FAM13A: variants seen among roughly 807,000 people sequenced by gnomAD.
FAM13A encodes the protein family with sequence similarity 13 member A, also known as protein FAM13A.
FAM13A carries 76 observed loss-of-function variants against 129.6 expected under a neutral mutation model. The ratio of observed to expected loss-of-function variants is 0.59; its 90% confidence interval spans 0.49 to 0.71. The LOEUF (loss-of-function observed/expected upper bound fraction) is 0.71, where lower values mean the gene tolerates loss of function less well. Among genes scored for constraint, FAM13A ranks in the 30% least tolerant of loss-of-function variants. FAM13A has a pLI of 0.00. For missense variants in FAM13A, 1,108 were observed against 1,249.3 expected, an observed-to-expected ratio of 0.89 and a Z score of 1.70; for synonymous variants, 443 against 449.9, an observed-to-expected ratio of 0.98 and a Z score of 0.20.
At chr4:88,890,308 C>A (rs1205894328) in intron 6 of FAM13A, among the ~76,000 whole-genome samples, 1 of 152,138 alleles carries the variant, frequency 6.6e-6, no homozygotes. Flanking sequence ...AGGTCCAGGG[C>A]AGGTCAGGTA....
chr4:88,843,295 A>G (rs1736134929), intron 7 of FAM13A, among the ~76,000 whole-genome samples: 1 of 152,206 alleles, frequency 6.6e-6, no homozygotes, highest in Non-Finnish European at 1.5e-5. Flanking sequence ...ACACTCCCTC[A>G]TTCATATGGG....
intron 13 of FAM13A, among the ~76,000 whole-genome samples, chr4:88,762,490 G>T (rs960909310): frequency 6.6e-6 from 1 of 152,086 alleles, no homozygotes; most frequent in African/African-American, 2.4e-5. Context: ...CCCTGGGGTT[G>T]CTTTCTTACT....
intron 4 of FAM13A, among the ~76,000 whole-genome samples, chr4:88,946,274 T>C (rs765288383): frequency 1.3e-5 from 2 of 151,806 alleles, no homozygotes; most frequent in Admixed American, 6.6e-5. Context: ...GTAGGGCAGA[T>C]GCATCAGGTT....
At chr4:88,774,759 T>A (rs1466397781) in intron 11 of FAM13A, among the ~76,000 whole-genome samples, 1 of 152,190 alleles carries the variant, frequency 6.6e-6, no homozygotes, top group African/African-American at 2.4e-5. Flanking sequence ...AATATTTTTT[T>A]AAAAAGCAGA....
At chr4:88,930,003 T>A (rs555486159) in intron 5 of FAM13A, among the ~76,000 whole-genome samples, 26 of 152,282 alleles carry the variant, frequency 1.7e-4, no homozygotes, top group Non-Finnish European at 3.2e-4. Flanking sequence ...CCTCCCAAAG[T>A]GCTGGGATTA....
At chr4:88,874,313 TAA>T (rs1203330594) in intron 6 of FAM13A, among the ~76,000 whole-genome samples, 1 of 151,962 alleles carries the variant, frequency 6.6e-6, no homozygotes, top group Non-Finnish European at 1.5e-5. Context: ...GAGAAAAAAA[TAA>T]AGAGTATTCA....
chr4:88,781,090 T>A, intron 11 of FAM13A, 75 bp downstream of exon 11: 2 of 1,083,444 alleles, frequency 1.8e-6, no homozygotes, highest in Non-Finnish European at 2.6e-6. Flanking sequence ...AAATTACTTT[T>A]AATTTTTTTA....
chr4:88,855,532 T>C (rs1057023293), intron 6 of FAM13A: 4 of 152,126 alleles, frequency 2.6e-5, no homozygotes, highest in African/African-American at 9.7e-5. Context: ...TATGAGCTAG[T>C]TTAGCAAATA....
chr4:88,955,561 T>C (rs1757621174), intron 4 of FAM13A, among the ~76,000 whole-genome samples: 1 of 152,018 alleles, frequency 6.6e-6, no homozygotes, highest in African/African-American at 2.4e-5. Context: ...CAGGCAGAGG[T>C]TGGAACACTT....
chr4:88,943,158 G>C (rs1198846642), intron 4 of FAM13A, among the ~76,000 whole-genome samples: 1 of 152,110 alleles, frequency 6.6e-6, no homozygotes, highest in African/African-American at 2.4e-5. Context: ...ATTGATAAGC[G>C]TTTTGAACTT....
rs529960257 is a variant in FAM13A, at chr4:89,056,527, A to T, written c.27+411T>A. ...GAAAATAGAAATATAAAACAGAAAA[A>T]TGTCACACACATACTCAAAAGTAAT... is the stretch of plus-strand genomic sequence containing the variant. On this transcript the variant is annotated intron_variant, in intron 1 of 23. Coordinates refer to ENST00000264344, the MANE Select transcript of FAM13A (RefSeq NM_014883.4). 2.6e-5 allele frequency among the ~76,000 whole-genome samples: 4 copies of T among 152,338 alleles called. No homozygotes were observed. In the East Asian group the frequency reaches 7.7e-4, roughly 29 times the overall value.
intron 3 of FAM13A, among the ~76,000 whole-genome samples, chr4:89,015,003 G>A (rs962149212): frequency 1.3e-5 from 2 of 152,172 alleles, no homozygotes; most frequent in Admixed American, 6.5e-5. Flanking sequence ...GAACAGCCCT[G>A]AGAAAGAGAA....
chr4:88,757,719 G>A (rs181457741), intron 14 of FAM13A, among the ~76,000 whole-genome samples: 1 of 152,226 alleles, frequency 6.6e-6, no homozygotes, highest in East Asian at 1.9e-4. Context: ...TTTCACTAAA[G>A]CCCTGGATGC....
intron 2 of FAM13A, among the ~76,000 whole-genome samples, chr4:89,023,192 T>C (rs1317796006): frequency 2.0e-5 from 3 of 152,210 alleles, no homozygotes; most frequent in African/African-American, 7.2e-5. Flanking sequence ...GCTTAATCAT[T>C]TAAAGCTTTC....
rs532910718 is a variant in FAM13A, at chr4:88,728,558, C to T, written c.3047G>A (p.Arg1016Lys). ...TCACATGGACTTGGAATCAGTGTCT[C>T]TCTTGCTGATGAGCACCTCCAGGAG... Reference protein sequence around the residue: ...LRLLEVLISKRDTDSKSM With the variant: ...LRLLEVLISKKDTDSKSM The change falls in exon 24 of 24, where the codon AGA becomes AAA. Residue 1016 changes from arginine (R) to lysine (K), a missense_variant. By Grantham distance (26) the Arg-to-Lys change is conservative (BLOSUM62 2). Around this residue, in one of 3 missense-constraint regions of FAM13A, gnomAD observed 529 missense variants for 621.2 expected, o/e 0.85. Transcript: ENST00000264344. 6.2e-7 allele frequency: 1 copy of T among 1,614,188 alleles called. No individual in the cohort carries two copies. The highest frequency in any genetic ancestry group is 1.3e-5 in the African/African-American group (1 of 75,060).
chr4:88,830,891 C>T (rs1733785918), intron 7 of FAM13A, among the ~76,000 whole-genome samples: 1 of 151,966 alleles, frequency 6.6e-6, no homozygotes, highest in African/African-American at 2.4e-5. Flanking sequence ...CAAAACATTC[C>T]CCAAAAAGAT....
At chr4:88,740,848 A>C (rs1740091336) in intron 19 of FAM13A, among the ~76,000 whole-genome samples, 1 of 152,244 alleles carries the variant, frequency 6.6e-6, no homozygotes, top group Admixed American at 6.5e-5. Context: ...CTAATGGGCA[A>C]TTGGTATTTT....
intron 6 of FAM13A, among the ~76,000 whole-genome samples, chr4:88,863,010 A>ATACATATATATATATG (rs1554009087): frequency 6.6e-6 from 1 of 150,640 alleles, no homozygotes; most frequent in Non-Finnish European, 1.5e-5. Flanking sequence ...AAATATATAC[A>ATACATATATATATATG]TATATATTTG....
intron 6 of FAM13A, among the ~76,000 whole-genome samples, chr4:88,860,613 T>C (rs577803061): frequency 6.6e-6 from 1 of 152,330 alleles, no homozygotes; most frequent in Non-Finnish European, 1.5e-5. Context: ...GACAGCACAT[T>C]TGTATCTGTG....
Sources: allele counts gnomAD v4.1 joint callset (sites outside exome capture counted in the v4.1 genomes callset), GRCh38; gene constraint gnomAD v4.1.1; regional missense constraint gnomAD v4.1.1; transcripts MANE v1.5; gene names NCBI Gene and HGNC (gene_info 2026-07-23, HGNC 2026-07-21).